VIL1: variants seen among roughly 807,000 people sequenced by gnomAD.
The protein encoded by VIL1 is villin 1.
VIL1 carries 86 observed loss-of-function variants against 104.0 expected under a neutral mutation model. That is an observed-to-expected ratio of 0.83 (90% CI 0.69 to 0.99). The LOEUF (loss-of-function observed/expected upper bound fraction) is 0.99, where lower values mean the gene tolerates loss of function less well. VIL1 is among the 50% of genes least tolerant of loss of function. The pLI, the probability that VIL1 is intolerant of heterozygous loss-of-function variation, is 0.00. For synonymous variants in VIL1, 394 were observed against 412.6 expected (o/e 0.95, Z 0.55); for missense variants, 944 against 1,054.1 (o/e 0.90, Z 1.45).
chr2:218,441,052 A>G (rs1689275898), intron 19 of VIL1, among the ~76,000 whole-genome samples, 190 bp downstream of exon 19: 1 of 152,202 alleles, frequency 6.6e-6, no homozygotes. Flanking sequence ...ATTTAATTTC[A>G]GGGTTAAGTG....
In VIL1 at chr2:218,428,027, A is replaced by G. The variant is rs772222177; in HGVS notation, c.410A>G (p.Gln137Arg). 1.9e-6 allele frequency: 3 copies of G among 1,614,088 alleles called. No homozygotes were observed. The Admixed American group carries it at 5.0e-5, about 27-fold the overall frequency. The change falls in exon 5 of 20, where the codon CAG (glutamine) becomes CGG (arginine). Residue 137 changes from glutamine to arginine, a missense_variant. Transcript: ENST00000248444. ...GTGGAGACCAACTCCTATGACGTCCAGAGGCTGCTGCATGTCAAGGGCAAG... is the reference window on the plus strand; with the variant it reads ...GTGGAGACCAACTCCTATGACGTCCGGAGGCTGCTGCATGTCAAGGGCAAG... ...KHVETNSYDV[Q>R]RLLHVKGKRN...
rs1204500807 is a variant in VIL1 at position 218,428,300 on chromosome 2, G to A, written c.530G>A (p.Trp177Ter). The A allele has an allele frequency of 1.9e-6, 3 of 1,614,046 alleles. No homozygotes were observed. Among genetic ancestry groups the A allele is most frequent in the Non-Finnish European group, 8.5e-7 (1 of 1,180,038 alleles). ...LLDLGKLIIQ[W>*]NGPESTRMER... The stretch of plus-strand genomic sequence containing the variant: ...GACCTTGGGAAGCTTATCATCCAGT[G>A]GAATGGACCGGAAAGCACCCGTATG... Residue 177 changes from tryptophan (W) to a stop codon, truncating the protein, a stop_gained, in exon 6 of 20, where the codon TGG becomes TAG. Transcript: ENST00000248444. LOFTEE classifies it high-confidence loss of function.
chr2:218,438,118 C>A (rs901068618), intron 17 of VIL1, among the ~76,000 whole-genome samples: 1 of 152,192 alleles, frequency 6.6e-6, no homozygotes, highest in African/African-American at 2.4e-5. Flanking sequence ...TTAGTTATCA[C>A]CTTTCCCTCA....
chr2:218,448,524 A>G (rs892565310), intron 19 of VIL1, among the ~76,000 whole-genome samples: 1 of 151,624 alleles, frequency 6.6e-6, no homozygotes, highest in African/African-American at 2.4e-5. Flanking sequence ...ATCGTGCGCC[A>G]CTGCTCTCCA....
In VIL1 at chr2:218,425,760, T is replaced by C. The variant is rs747823613; in HGVS notation, c.296T>C (p.Val99Ala). 6.0e-5 allele frequency: 97 copies of C among 1,613,718 alleles called. No individual in the cohort carries two copies. In the African/African-American group the frequency reaches 8.5e-4, roughly 14 times the overall value. Residue 99 changes from valine (V) to alanine (A), a missense_variant, in exon 4 of 20, where the codon GTC becomes GCC. Coordinates refer to ENST00000248444, the MANE Select transcript of VIL1 (RefSeq NM_007127.3). ...LKGRAVQHRE[V>A]QGNESEAFRG... ...GGCCGGGCTGTGCAGCACCGCGAGG[T>C]CCAGGGCAACGAGAGCGAGGCCTTC... is the stretch of plus-strand genomic sequence containing the variant.
At position 218,449,854 on chromosome 2, in the gene VIL1, G is replaced by A. The variant is rs1246892774; in HGVS notation, c.*518G>A. 1 of 156,526 alleles carries A rather than the reference G, an allele frequency of 6.4e-6. No homozygotes were observed. Among genetic ancestry groups the A allele is most frequent in the Non-Finnish European group, 1.4e-5 (1 of 70,414 alleles). The allele number at this position is 156,526 out of a possible 1,614,324, so 9.7% of individuals were successfully genotyped here. A position where few individuals can be genotyped will look rare whatever the true frequency, so the allele number is the denominator to read the frequency against. On this transcript the variant is annotated 3_prime_UTR_variant, in exon 20 of 20. Coordinates refer to ENST00000248444, the MANE Select transcript of VIL1 (RefSeq NM_007127.3). ...GGTCCACAAGACTACCCTCTTAAGA[G>A]GTTTCACAAATTCCAAACAGTACCA...
rs368829058 is a variant in VIL1 at position 218,429,494 on chromosome 2, G to T, written c.770+7G>T. On this transcript the variant is annotated splice_region_variant and intron_variant, in intron 7 of 19. Transcript: ENST00000248444. ...CTGCACTCAAACTGTACCAGTGAGCGCCCAGCGGGGTCTTCCTGGGTGCTG... is the reference window on the plus strand; with the variant it reads ...CTGCACTCAAACTGTACCAGTGAGCTCCCAGCGGGGTCTTCCTGGGTGCTG... 12 of 1,613,416 alleles carry T rather than the reference G, an allele frequency of 7.4e-6. No individual in the cohort carries two copies. The Admixed American group carries it at 1.2e-4, about 16-fold the overall frequency.
rs774207140 is a variant in VIL1 at position 218,437,124 on chromosome 2, GTCT to G, written c.1979_1981del (p.Phe660del). The G allele has an allele frequency of 3.7e-6, 6 of 1,613,622 alleles. No homozygotes were observed. Among genetic ancestry groups the G allele is most frequent in the East Asian group, 2.2e-5 (1 of 44,904 alleles). ...ACTGATCCCCTGGGTTTCTCAATAG[GTCT>G]TCTTCTGGATTGGGAAACATGCCAA... On this transcript the variant is annotated inframe_deletion and splice_region_variant, in exon 17 of 20. Coordinates refer to ENST00000248444, the MANE Select transcript of VIL1 (RefSeq NM_007127.3).
intron 19 of VIL1, among the ~76,000 whole-genome samples, chr2:218,442,789 G>A (rs930627155): frequency 6.6e-6 from 1 of 152,212 alleles, no homozygotes; most frequent in Non-Finnish European, 1.5e-5. Flanking sequence ...GAGATACCTA[G>A]TTTCTCTCTC....
intron 1 of VIL1, among the ~76,000 whole-genome samples, chr2:218,423,549 C>T (rs934045385): frequency 2.0e-5 from 3 of 152,072 alleles, no homozygotes; most frequent in Non-Finnish European, 4.4e-5. Flanking sequence ...CACTCCTTCC[C>T]TCCCCCTCTC....
chr2:218,437,039 G>T, intron 16 of VIL1, 85 bp from the exon 17 acceptor site: 1 of 1,504,494 alleles, frequency 6.6e-7, no homozygotes, highest in South Asian at 1.2e-5. Flanking sequence ...TCAAGGTCAG[G>T]GTTTCACTGT....
intron 12 of VIL1, 131 bp from the exon 13 acceptor site, chr2:218,432,662 G>A: frequency 8.2e-7 from 1 of 1,212,740 alleles, no homozygotes; most frequent in Non-Finnish European, 1.2e-6. Context: ...TTTCACAGTG[G>A]AGTTTGGTGG....
intron 1 of VIL1, among the ~76,000 whole-genome samples, chr2:218,420,550 G>A (rs978007705): frequency 1.3e-5 from 2 of 150,562 alleles, no homozygotes; most frequent in Admixed American, 6.6e-5. Flanking sequence ...CCATCCCACA[G>A]TTCAGCCTTT....
At chr2:218,432,292 T>C (rs1689113852) in intron 12 of VIL1, 109 bp downstream of exon 12, 1 of 1,478,314 alleles carries the variant, frequency 6.8e-7, no homozygotes, top group Non-Finnish European at 9.0e-7. Flanking sequence ...GGGGATGGGG[T>C]GCTCACCCCT....
In VIL1 at chr2:218,435,357, AGTG is replaced by A; in HGVS notation, c.1757_1759del (p.Val586del). 1 of 1,614,036 alleles carries A rather than the reference AGTG, an allele frequency of 6.2e-7. No homozygotes were observed. The highest frequency in any genetic ancestry group is 8.5e-7 in the Non-Finnish European group (1 of 1,179,980). Reference sequence around the variant, plus strand: ...ACACCATCTCCCGGACGGAGAAGCAAGTGGTGGTGGAAGGGCAGGAGCCAGCCA... The same window carrying A: ...ACACCATCTCCCGGACGGAGAAGCAAGTGGTGGAAGGGCAGGAGCCAGCCA... On this transcript the variant is annotated inframe_deletion, in exon 15 of 20. Transcript: ENST00000248444.
intron 17 of VIL1, 88 bp from the exon 18 acceptor site, chr2:218,438,570 C>A: frequency 2.3e-6 from 3 of 1,287,284 alleles, no homozygotes; most frequent in Non-Finnish European, 2.2e-6. Flanking sequence ...CCCAGACCAG[C>A]CTTCTTTTCA....
At chr2:218,439,557 G>A (rs1458975345) in intron 18 of VIL1, among the ~76,000 whole-genome samples, 6 of 152,082 alleles carry the variant, frequency 3.9e-5, no homozygotes, top group African/African-American at 1.4e-4. Context: ...AGTGGCTCAC[G>A]CCTGTAATCT....
intron 19 of VIL1, among the ~76,000 whole-genome samples, chr2:218,441,763 G>A (rs1452438449): frequency 2.6e-5 from 4 of 152,068 alleles, no homozygotes; most frequent in Admixed American, 6.6e-5. Context: ...CGAGGAATGC[G>A]GATCACCTGA....
chr2:218,446,759 A>G (rs955069884), intron 19 of VIL1, among the ~76,000 whole-genome samples: 39 of 50,174 alleles, frequency 7.8e-4, no homozygotes, highest in Admixed American at 1.5e-3. Flanking sequence ...AGTGACCTTG[A>G]CTTTTTTTTT....
Sources: gnomAD v4.1 joint callset for allele counts (sites outside exome capture counted in the v4.1 genomes callset) on GRCh38, gnomAD v4.1.1 for gene constraint, MANE v1.5 for transcripts, NCBI Gene and HGNC (gene_info 2026-07-23, HGNC 2026-07-21) for gene names.